Variants in PCDHGB7 observed in about 807,000 individuals in gnomAD.
The protein encoded by PCDHGB7 is protocadherin gamma-B7.
Under a neutral mutation model 61.4 loss-of-function variants are expected in PCDHGB7, and 37 were observed. The ratio of observed to expected loss-of-function variants is 0.60; its 90% CI spans 0.46 to 0.79. The LOEUF (loss-of-function observed/expected upper bound fraction) is 0.79. PCDHGB7 is among the 30% of genes least tolerant of loss of function. The pLI is 0.00. For missense variants in PCDHGB7, 1,166 were observed against 1,202.5 expected (o/e 0.97, Z 0.45); for synonymous variants, 464 against 503.5 (o/e 0.92, Z 1.05).
rs1328476453 is a variant in PCDHGB7, at chr5:141,431,444, C to T, written c.2415+11170C>T. 4.3e-6 allele frequency: 7 copies of T among 1,613,732 alleles called. No homozygotes were observed. The highest frequency in any genetic ancestry group is 5.9e-6 in the Non-Finnish European group (7 of 1,180,022). On this transcript the variant is annotated intron_variant, in intron 1 of 3. Transcript: ENST00000398594. The surrounding 1 kb of genome is among the most constrained non-coding windows in gnomAD (Gnocchi z 4.8). ...GGTGCGCACAGGCACCGCGCGCATCCGCGTGATGGTTCTGGATGCGAACGA... is the reference window on the plus strand; with the variant it reads ...GGTGCGCACAGGCACCGCGCGCATCTGCGTGATGGTTCTGGATGCGAACGA...
Position 141,418,027 on chromosome 5 carries a change from T to A in PCDHGB7, c.168T>A (p.Leu56=), listed in dbSNP as rs536104184. 2.4e-5 allele frequency: 38 copies of A among 1,613,808 alleles called. 1 individual carries two copies. In the South Asian group the frequency reaches 4.2e-4, roughly 18 times the overall value. ...GGAACCTCGCTAAGGATCTAGGGCT[T>A]AGTGTCCTGGATGTGTCGGCTCGCG... ...VVGNLAKDLG[L]SVLDVSAREL... The change falls in exon 1 of 4, where the codon CTT becomes CTA. Residue 56 remains leucine (L), a synonymous_variant. Coordinates refer to ENST00000398594, the MANE Select transcript of PCDHGB7 (RefSeq NM_018927.4).
chr5:141,468,464 TC>T (rs2099167734), intron 1 of PCDHGB7: 2 of 152,174 alleles, frequency 1.3e-5, no homozygotes, highest in Admixed American at 1.3e-4. Flanking sequence ...GCAAGTTATT[TC>T]TGAGGAGAAT....
At chr5:141,502,818 C>T (rs1209481886) in intron 2 of PCDHGB7, among the ~76,000 whole-genome samples, 1 of 150,836 alleles carries the variant, frequency 6.6e-6, no homozygotes, top group Non-Finnish European at 1.5e-5. Context: ...ACTGTCTTTT[C>T]CTTGGGGAAG....
At chr5:141,421,388 G>T in intron 1 of PCDHGB7, 17 of 1,614,052 alleles carry the variant, frequency 1.1e-5, no homozygotes, top group Non-Finnish European at 1.4e-5. Flanking sequence ...AAGGACCTGG[G>T]GCTGGAGCCC....
At chr5:141,494,190 G>GAGAA (rs2099752701) in intron 1 of PCDHGB7, among the ~76,000 whole-genome samples, 1 of 152,186 alleles carries the variant, frequency 6.6e-6, no homozygotes, top group Non-Finnish European at 1.5e-5. Flanking sequence ...CCCGGGACTT[G>GAGAA]GATGCCCCGC....
chr5:141,421,574 A>C, intron 1 of PCDHGB7: 1 of 1,613,924 alleles, frequency 6.2e-7, no homozygotes. Flanking sequence ...GACACCTTGA[A>C]GATTTACGGA....
Position 141,432,083 on chromosome 5 carries a change from G to T in PCDHGB7, c.2415+11809G>T, listed in dbSNP as rs1221754474. On this transcript the variant is annotated intron_variant, in intron 1 of 3. Transcript: ENST00000398594. The surrounding 1 kb of genome is among the most constrained non-coding windows in gnomAD (Gnocchi z 6.0). ...CACGGAAACTCATATCTCGCTGAAC[G>T]TGGCAGACACCAACGACAACCCGCC... The T allele has an allele frequency of 1.9e-6, 3 of 1,614,040 alleles. No individual in the cohort carries two copies. The highest frequency in any genetic ancestry group is 2.7e-5 in the African/African-American group (2 of 74,910).
intron 1 of PCDHGB7, chr5:141,428,189 CTCTCTGCGCCGCTACGCTTCACCTAG>C: frequency 7.0e-7 from 1 of 1,429,262 alleles, no homozygotes; most frequent in Non-Finnish European, 9.7e-7. Flanking sequence ...ACAGCCGCCG[CTCTCTGCGCCGCTACGCTTCACCTAG>C]TCTTCGCAGA....
intron 2 of PCDHGB7, among the ~76,000 whole-genome samples, chr5:141,496,888 TAA>T (rs35063790): frequency 6.7e-5 from 9 of 134,018 alleles, no homozygotes; most frequent in Non-Finnish European, 4.9e-5. Flanking sequence ...AAGTAACACT[TAA>T]AAAAAAAAAA....
chr5:141,421,251 G>C (rs771398829), intron 1 of PCDHGB7: 1 of 1,606,888 alleles, frequency 6.2e-7, no homozygotes, highest in Non-Finnish European at 8.5e-7. Context: ...TACAGCGCGG[G>C]GACCGCAGTC....
At chr5:141,428,600 C>T (rs2097150405) in intron 1 of PCDHGB7, 1 of 223,920 alleles carries the variant, frequency 4.5e-6, no homozygotes, top group African/African-American at 2.3e-5. Flanking sequence ...GCAAGCTTCA[C>T]TGAAGAGAAT....
chr5:141,483,887 C>G (rs147069309), intron 1 of PCDHGB7, among the ~76,000 whole-genome samples: 13 of 152,036 alleles, frequency 8.6e-5, no homozygotes, highest in Non-Finnish European at 1.2e-4. Context: ...TTTTCTATTT[C>G]TCTGAGCTCT....
chr5:141,456,072 T>C (rs1349808406), intron 1 of PCDHGB7, among the ~76,000 whole-genome samples: 2 of 151,950 alleles, frequency 1.3e-5, no homozygotes, highest in Non-Finnish European at 2.9e-5. Flanking sequence ...TAATTTTTTG[T>C]ATTTTCAGTA....
chr5:141,473,151 T>C (rs2099315238), intron 1 of PCDHGB7, among the ~76,000 whole-genome samples: 1 of 152,242 alleles, frequency 6.6e-6, no homozygotes. Context: ...TTCAGATCAC[T>C]AGGGCTAGGA....
intron 1 of PCDHGB7, among the ~76,000 whole-genome samples, chr5:141,488,969 CCAAT>C (rs1303368467): frequency 4.6e-5 from 7 of 152,106 alleles, no homozygotes; most frequent in Non-Finnish European, 7.4e-5. Context: ...GACTTTTTGG[CCAAT>C]CAGACTCAGA....
chr5:141,463,500 G>A (rs866521006), intron 1 of PCDHGB7, among the ~76,000 whole-genome samples: 30 of 139,838 alleles, frequency 2.1e-4, no homozygotes, highest in African/African-American at 7.0e-4. Context: ...CCAGGCTGGA[G>A]TGACGTGGCG....
chr5:141,451,134 T>A (rs567790185), intron 1 of PCDHGB7, among the ~76,000 whole-genome samples: 1 of 152,254 alleles, frequency 6.6e-6, no homozygotes, highest in South Asian at 2.1e-4. Context: ...AGCCTTATGA[T>A]TGTATTTAGA....
Position 141,476,239 on chromosome 5 carries a change from A to T in PCDHGB7, c.2416-18568A>T. ...TTCACTATGAGATCCCGGAGGAAAG[A>T]GAGAAGGGTTTCGCTGTGGGCAACG... is the stretch of plus-strand genomic sequence containing the variant. On this transcript the variant is annotated intron_variant, in intron 1 of 3. Coordinates refer to ENST00000398594, the MANE Select transcript of PCDHGB7 (RefSeq NM_018927.4). This position sits in a 1 kb window ranked among gnomAD's most constrained non-coding sequence, Gnocchi z 7.6. 1 of 1,613,826 alleles carries T rather than the reference A, an allele frequency of 6.2e-7. No homozygotes were observed. Among genetic ancestry groups the T allele is most frequent in the Non-Finnish European group, 8.5e-7 (1 of 1,179,996 alleles).
At chr5:141,479,685 G>A (rs749895405) in intron 1 of PCDHGB7, 3 of 152,248 alleles carry the variant, frequency 2.0e-5, no homozygotes, top group Non-Finnish European at 4.4e-5. Flanking sequence ...AGTCTTTTTG[G>A]TGCCTCCAGT....
Sources: allele counts gnomAD v4.1 joint callset (sites outside exome capture counted in the v4.1 genomes callset), GRCh38; gene constraint gnomAD v4.1.1; non-coding constraint Gnocchi (gnomAD v3.1); transcripts MANE v1.5; gene names NCBI Gene and HGNC (gene_info 2026-07-23, HGNC 2026-07-21).